The following ACVR2A variants were observed in gnomAD, a reference collection of about 807,000 sequenced individuals.
ACVR2A encodes activin receptor type-2A.
A neutral mutation model predicts 61.4 loss-of-function variants in ACVR2A; 7 were observed. The observed-to-expected ratio is 0.11, with a 90% CI of 0.06 to 0.21. The LOEUF is 0.21. Ranked by LOEUF, ACVR2A falls within the 10% of genes least tolerant of loss-of-function variation. The pLI is 1.00. For missense variants in ACVR2A, 322 were observed against 621.7 expected (o/e 0.52, Z 5.13); for synonymous variants, 193 against 208.3 (o/e 0.93, Z 0.63).
chr2:147,896,583 T>A (rs1283957400), intron 2 of ACVR2A, 75 bp downstream of exon 2: 1 of 1,406,276 alleles, frequency 7.1e-7, no homozygotes. Context: ...AGGGGAAAGA[T>A]CAGTGCATAA....
At chr2:147,864,258 C>T (rs1685797484) in intron 1 of ACVR2A, among the ~76,000 whole-genome samples, 1 of 152,246 alleles carries the variant, frequency 6.6e-6, no homozygotes, top group Non-Finnish European at 1.5e-5. Flanking sequence ...GAGAGGGAGT[C>T]TAACTGTGTC....
rs1687674127 is a variant in ACVR2A at position 147,930,744 on chromosome 2, A to G, written c.*3470A>G. ...TCCCCATAAAACCCCACCTTGGATA[A>G]GTGATTGTTAAATATTGTACAAATA... On this transcript the variant is annotated 3_prime_UTR_variant, in exon 11 of 11. Coordinates refer to ENST00000241416, the MANE Select transcript of ACVR2A (RefSeq NM_001616.5). The G allele has an allele frequency of 6.6e-6, 1 of 152,526 alleles. No homozygotes were observed. The highest frequency in any genetic ancestry group is 1.5e-5 in the Non-Finnish European group (1 of 68,022). 9.4% of individuals were successfully genotyped at this position (152,526 alleles called of 1,614,324 possible). A position where few individuals can be genotyped will look rare whatever the true frequency, so the allele number is the denominator to read the frequency against.
Position 147,850,542 on chromosome 2 carries a change from T to C in ACVR2A, c.55+5335T>C, listed in dbSNP as rs76107857. ...TTTATCATCTCTGTTTAAGCCAAAA[T>C]TTGACTAGAACCAAGAGTATATTTA... On this transcript the variant is annotated intron_variant, in intron 1 of 10. Coordinates refer to ENST00000241416, the MANE Select transcript of ACVR2A (RefSeq NM_001616.5). Among the ~76,000 whole-genome samples, 691 of 152,262 alleles carry C rather than the reference T, an allele frequency of 4.5e-3. 5 individuals carry two copies. The highest frequency in any genetic ancestry group is 0.016 in the African/African-American group (673 of 41,554).
chr2:147,894,060 G>A (rs1053752587), intron 1 of ACVR2A, among the ~76,000 whole-genome samples: 1 of 152,090 alleles, frequency 6.6e-6, no homozygotes, highest in East Asian at 1.9e-4. Context: ...ATGGGTTGAA[G>A]TTGTTTGTTT....
intron 1 of ACVR2A, among the ~76,000 whole-genome samples, chr2:147,851,147 T>C (rs892656677): frequency 6.6e-6 from 1 of 152,166 alleles, no homozygotes; most frequent in East Asian, 1.9e-4. Context: ...AAAATAAATC[T>C]GAATATGTTA....
chr2:147,868,435 T>C (rs1259547636), intron 1 of ACVR2A, among the ~76,000 whole-genome samples: 1 of 152,112 alleles, frequency 6.6e-6, no homozygotes, highest in African/African-American at 2.4e-5. Context: ...GTTTTAAGAT[T>C]TTTCTTTCCT....
intron 7 of ACVR2A, 60 bp downstream of exon 7, chr2:147,918,652 G>T: frequency 7.0e-7 from 1 of 1,429,020 alleles, no homozygotes. Flanking sequence ...AAACTTTTAA[G>T]CCCCTGGGTA....
chr2:147,905,178 C>T (rs1686959875), intron 4 of ACVR2A, among the ~76,000 whole-genome samples: 1 of 152,028 alleles, frequency 6.6e-6, no homozygotes, highest in African/African-American at 2.4e-5. Flanking sequence ...TATCCCTTGG[C>T]ACCTTTCTTT....
intron 9 of ACVR2A, chr2:147,925,722 T>C (rs989749536): frequency 9.1e-6 from 2 of 220,834 alleles, no homozygotes; most frequent in African/African-American, 2.3e-5. Flanking sequence ...TAACGTTAAT[T>C]TACAAATACT....
At chr2:147,849,558 G>A (rs146452013) in intron 1 of ACVR2A, among the ~76,000 whole-genome samples, 23 of 152,200 alleles carry the variant, frequency 1.5e-4, no homozygotes, top group African/African-American at 5.5e-4. Context: ...ATGATCTATT[G>A]CAGATCGTTT....
intron 1 of ACVR2A, among the ~76,000 whole-genome samples, chr2:147,857,938 C>T (rs1468679482): frequency 6.6e-6 from 1 of 152,018 alleles, no homozygotes; most frequent in African/African-American, 2.4e-5. Flanking sequence ...AGGTATTAAG[C>T]CTAGTACTCA....
At chr2:147,868,362 G>A (rs1558963972) in intron 1 of ACVR2A, among the ~76,000 whole-genome samples, 1 of 152,184 alleles carries the variant, frequency 6.6e-6, no homozygotes, top group African/African-American at 2.4e-5. Flanking sequence ...AGTGGAAAAT[G>A]TAATGGCAGA....
chr2:147,878,145 T>C (rs1190198230), intron 1 of ACVR2A, among the ~76,000 whole-genome samples: 2 of 152,210 alleles, frequency 1.3e-5, no homozygotes, highest in Non-Finnish European at 2.9e-5. Context: ...GCAGTGTTAA[T>C]ATAGCAAGAC....
intron 1 of ACVR2A, among the ~76,000 whole-genome samples, chr2:147,881,889 T>C (rs570022643): frequency 6.6e-6 from 1 of 152,208 alleles, no homozygotes; most frequent in South Asian, 2.1e-4. Context: ...GAAATTTAAG[T>C]CCTCTAAAAA....
intron 1 of ACVR2A, among the ~76,000 whole-genome samples, chr2:147,882,153 T>C (rs748535744): frequency 6.6e-6 from 1 of 152,218 alleles, no homozygotes; most frequent in Non-Finnish European, 1.5e-5. Flanking sequence ...TATATATTTA[T>C]TTGGAGCCAT....
chr2:147,924,611 C>G (rs1687458490), intron 9 of ACVR2A, among the ~76,000 whole-genome samples: 1 of 151,882 alleles, frequency 6.6e-6, no homozygotes, highest in Non-Finnish European at 1.5e-5. Flanking sequence ...ATTTCTGACT[C>G]TTAAGTCAGA....
At chr2:147,907,500 C>G (rs1039440469) in intron 4 of ACVR2A, among the ~76,000 whole-genome samples, 2 of 152,148 alleles carry the variant, frequency 1.3e-5, no homozygotes, top group African/African-American at 4.8e-5. Context: ...TCGCCAGCAC[C>G]TGTTGTTTCT....
chr2:147,862,941 C>A (rs1219954400), intron 1 of ACVR2A, among the ~76,000 whole-genome samples: 1 of 152,074 alleles, frequency 6.6e-6, no homozygotes, highest in East Asian at 1.9e-4. Flanking sequence ...TCATTATTAA[C>A]CACCACTTAT....
chr2:147,906,739 G>A (rs973185871), intron 4 of ACVR2A, among the ~76,000 whole-genome samples: 18 of 151,462 alleles, frequency 1.2e-4, no homozygotes, highest in Non-Finnish European at 2.2e-4. Context: ...ATTATATCAG[G>A]CACTATACAG....
Sources: gnomAD v4.1 joint callset for allele counts (sites outside exome capture counted in the v4.1 genomes callset) on GRCh38, gnomAD v4.1.1 for gene constraint, MANE v1.5 for transcripts, NCBI Gene and HGNC (gene_info 2026-07-23, HGNC 2026-07-21) for gene names.